ANKRD62: variants seen among roughly 807,000 people sequenced by gnomAD.
ANKRD62 encodes ankyrin repeat domain-containing protein 62.
In ANKRD62, 61 loss-of-function variants were observed where a neutral mutation model predicts 98.8. The observed-to-expected ratio is 0.62, with a 90% CI of 0.50 to 0.76. The LOEUF (loss-of-function observed/expected upper bound fraction) is 0.76, where lower values mean the gene tolerates loss of function less well. Among genes scored for constraint, ANKRD62 ranks in the 30% least tolerant of loss-of-function variants. The pLI is 0.00. For missense variants in ANKRD62, 933 were observed against 1,082.9 expected (o/e 0.86, Z 1.94); for synonymous variants, 341 against 367.9 (o/e 0.93, Z 0.84).
At chr18:12,167,502 A>G in the ANKRD62 span, among the ~76,000 whole-genome samples, 1 of 152,202 alleles carries the variant, frequency 6.6e-6, no homozygotes, top group Non-Finnish European at 1.5e-5. Context: ...TCCATGGTGT[A>G]TATGTGCCAC....
intron 5 of ANKRD62, chr18:12,098,629 C>T (rs1408870596): frequency 6.6e-6 from 1 of 152,218 alleles, no homozygotes; most frequent in African/African-American, 2.4e-5. Flanking sequence ...AATGAAATTA[C>T]ACATTTTCAT....
chr18:12,104,884 G>T (rs1257457932), intron 7 of ANKRD62, among the ~76,000 whole-genome samples: 1 of 152,082 alleles, frequency 6.6e-6, no homozygotes, highest in African/African-American at 2.4e-5. Context: ...TTATTTAAAT[G>T]AAAATAAAGT....
At chr18:12,171,205 G>A in the ANKRD62 span, among the ~76,000 whole-genome samples, 184 of 152,268 alleles carry the variant, frequency 1.2e-3, no homozygotes, top group African/African-American at 4.1e-3. Context: ...TATTTTGCCC[G>A]TTAGTTGATG....
In ANKRD62 at chr18:12,124,126, T is replaced by C. The variant is rs200601818; in HGVS notation, c.1455-11T>C. 183 of 1,216,038 alleles carry C rather than the reference T, an allele frequency of 1.5e-4. 3 individuals carry two copies. The highest frequency in any genetic ancestry group is 3.0e-4 in the South Asian group (22 of 72,260). The allele number at this position is 1,216,038 out of a possible 1,614,324, so 75.3% of individuals were successfully genotyped here. The stretch of plus-strand genomic sequence containing the variant: ...TTTAAAGGCTTTTAAGATAAGTATA[T>C]TTAACTACAGATTTATCTTACAACA... On this transcript the variant is annotated splice_polypyrimidine_tract_variant and intron_variant, in intron 11 of 13. Coordinates refer to ENST00000587848, the MANE Select transcript of ANKRD62 (RefSeq NM_001277333.2).
downstream of ANKRD62, among the ~76,000 whole-genome samples, chr18:12,130,441 A>G (rs1286646952): frequency 3.3e-5 from 5 of 152,234 alleles, no homozygotes; most frequent in African/African-American, 1.2e-4. Context: ...TTCAAGTTCA[A>G]TAAGTCAATC....
the ANKRD62 span, among the ~76,000 whole-genome samples, chr18:12,158,853 C>T: frequency 6.6e-6 from 1 of 152,078 alleles, no homozygotes; most frequent in Non-Finnish European, 1.5e-5. Context: ...TTATTTAACA[C>T]ACATTTAAAA....
Position 12,097,628 on chromosome 18 carries a change from T to G in ANKRD62, c.615-12T>G, listed in dbSNP as rs747543701. On this transcript the variant is annotated splice_polypyrimidine_tract_variant and intron_variant, in intron 4 of 13. Coordinates refer to ENST00000587848, the MANE Select transcript of ANKRD62 (RefSeq NM_001277333.2). The stretch of plus-strand genomic sequence containing the variant: ...AAAGTTCCTAAGCATGAAATTATCT[T>G]TCTTATTTTAGAACAGCCCTGATAC... The G allele has an allele frequency of 1.5e-5, 23 of 1,520,712 alleles. No homozygotes were observed. The highest frequency in any genetic ancestry group is 2.1e-5 in the Admixed American group (1 of 47,962). The allele number at this position is 1,520,712 out of a possible 1,614,324, so 94.2% of individuals were successfully genotyped here. A position where few individuals can be genotyped will look rare whatever the true frequency, so the allele number is the denominator to read the frequency against.
At chr18:12,169,723 T>C in the ANKRD62 span, among the ~76,000 whole-genome samples, 1 of 152,202 alleles carries the variant, frequency 6.6e-6, no homozygotes, top group Non-Finnish European at 1.5e-5. Flanking sequence ...AGATCCTTTT[T>C]GTACCTCTGG....
the ANKRD62 span, among the ~76,000 whole-genome samples, chr18:12,145,046 G>A: frequency 4.6e-5 from 7 of 151,990 alleles, no homozygotes; most frequent in Non-Finnish European, 8.8e-5. Flanking sequence ...GGAAGGCTGA[G>A]GCTGGAGAAT....
the ANKRD62 span, among the ~76,000 whole-genome samples, chr18:12,171,516 G>C: frequency 1.3e-5 from 2 of 152,164 alleles, no homozygotes; most frequent in African/African-American, 4.8e-5. Context: ...CGCTGTTAGT[G>C]TGATGGGCTT....
At chr18:12,140,700 C>T in the ANKRD62 span, among the ~76,000 whole-genome samples, 1 of 152,134 alleles carries the variant, frequency 6.6e-6, no homozygotes, top group East Asian at 1.9e-4. Context: ...CTGATCGTTC[C>T]TCTGGAAGTT....
At chr18:12,177,735 C>A in the ANKRD62 span, among the ~76,000 whole-genome samples, 1 of 150,986 alleles carries the variant, frequency 6.6e-6, no homozygotes. Context: ...CTGGTAGGTG[C>A]TGGGGATATA....
In ANKRD62 at chr18:12,128,852, G is replaced by C. The variant is rs1211944915; in HGVS notation, c.*913G>C. On this transcript the variant is annotated 3_prime_UTR_variant, in exon 14 of 14. Coordinates refer to ENST00000587848, the MANE Select transcript of ANKRD62 (RefSeq NM_001277333.2). The stretch of plus-strand genomic sequence containing the variant: ...AAACGGGTGGATCACCTGAGGTCAG[G>C]AGTTTGAGACCATCCTGGCCAACAT... 3 of 152,250 alleles carry C rather than the reference G, an allele frequency of 2.0e-5. No homozygotes were observed. Among genetic ancestry groups the C allele is most frequent in the African/African-American group, 4.8e-5 (2 of 41,430 alleles). The allele number at this position is 152,250 out of a possible 1,614,324, so 9.4% of individuals were successfully genotyped here. A position where few individuals can be genotyped will look rare whatever the true frequency, so the allele number is the denominator to read the frequency against.
At chr18:12,178,581 T>C in the ANKRD62 span, among the ~76,000 whole-genome samples, 8 of 148,960 alleles carry the variant, frequency 5.4e-5, no homozygotes, top group African/African-American at 1.0e-4. Context: ...CATATGCATA[T>C]ATGTAAGTAA....
the ANKRD62 span, among the ~76,000 whole-genome samples, chr18:12,177,272 T>C: frequency 6.6e-6 from 1 of 152,214 alleles, no homozygotes; most frequent in African/African-American, 2.4e-5. Context: ...GAACAGAGGA[T>C]GATGTTCGAG....
the ANKRD62 span, among the ~76,000 whole-genome samples, chr18:12,151,293 T>G: frequency 6.6e-6 from 1 of 151,566 alleles, no homozygotes; most frequent in African/African-American, 2.4e-5. Context: ...TAAAGCGAGT[T>G]CTTAGAGATC....
At chr18:12,130,513 G>A (rs1909986884), downstream of ANKRD62, among the ~76,000 whole-genome samples, 1 of 152,134 alleles carries the variant, frequency 6.6e-6, no homozygotes, top group African/African-American at 2.4e-5. Flanking sequence ...TGTCCAAAAT[G>A]TTTGGGAGGA....
chr18:12,154,862 G>A, the ANKRD62 span, among the ~76,000 whole-genome samples: 3 of 152,308 alleles, frequency 2.0e-5, no homozygotes, highest in Non-Finnish European at 4.4e-5. Flanking sequence ...ACAAACTAAT[G>A]CAGGAACAGA....
At chr18:12,117,624 G>A (rs988624891) in intron 10 of ANKRD62, among the ~76,000 whole-genome samples, 1 of 152,146 alleles carries the variant, frequency 6.6e-6, no homozygotes, top group African/African-American at 2.4e-5. Context: ...ATCATGCTGA[G>A]GAAGGTCCCT....
Sources: gnomAD v4.1 joint callset for allele counts (sites outside exome capture counted in the v4.1 genomes callset) on GRCh38, gnomAD v4.1.1 for gene constraint, MANE v1.5 for transcripts, NCBI Gene and HGNC (gene_info 2026-07-23, HGNC 2026-07-21) for gene names.